JAK1: variants seen among roughly 807,000 people sequenced by gnomAD.
The protein encoded by JAK1 is Janus kinase 1, also known as tyrosine-protein kinase JAK1.
Under a neutral mutation model 136.6 loss-of-function variants are expected in JAK1, and 16 were observed. That is an observed-to-expected ratio of 0.12 (90% confidence interval 0.08 to 0.18). The LOEUF (loss-of-function observed/expected upper bound fraction) is 0.18. JAK1 is among the 10% of genes least tolerant of loss of function. The pLI is 1.00. For synonymous variants in JAK1, 492 were observed against 519.5 expected (o/e 0.95, Z 0.72); for missense variants, 859 against 1,450.1 (o/e 0.59, Z 6.62).
intron 1 of JAK1, among the ~76,000 whole-genome samples, chr1:64,888,389 C>T (rs1489274635): frequency 6.6e-6 from 1 of 152,182 alleles, no homozygotes; most frequent in Admixed American, 6.5e-5. Context: ...ACCATGTTGG[C>T]CAGGATGGTC....
intron 1 of JAK1, among the ~76,000 whole-genome samples, chr1:64,922,783 A>G (rs1032584343): frequency 6.6e-6 from 1 of 152,142 alleles, no homozygotes; most frequent in Non-Finnish European, 1.5e-5. Flanking sequence ...CTAGAGCAAA[A>G]ATATCAAAAA....
chr1:64,954,884 C>A (rs1260277405), intron 1 of JAK1, among the ~76,000 whole-genome samples: 1 of 152,146 alleles, frequency 6.6e-6, no homozygotes, highest in Non-Finnish European at 1.5e-5. Flanking sequence ...CACATTTTTT[C>A]TTTTTCTTTT....
chr1:64,892,001 T>C (rs997881935), intron 1 of JAK1, among the ~76,000 whole-genome samples: 1 of 152,276 alleles, frequency 6.6e-6, no homozygotes, highest in Non-Finnish European at 1.5e-5. Flanking sequence ...GAGACAGTTT[T>C]TGATAAAAGT....
At chr1:64,944,957 C>T (rs1645957912) in intron 1 of JAK1, among the ~76,000 whole-genome samples, 1 of 152,094 alleles carries the variant, frequency 6.6e-6, no homozygotes, top group East Asian at 1.9e-4. Context: ...AACTGATTCT[C>T]CCCCGAGAAG....
intron 2 of JAK1, among the ~76,000 whole-genome samples, chr1:64,884,341 C>G (rs907680494): frequency 2.0e-5 from 3 of 152,154 alleles, no homozygotes; most frequent in Non-Finnish European, 2.9e-5. Context: ...TTGCCCAATA[C>G]CAATGGGCTA....
At chr1:64,904,439 G>A (rs1365906894) in intron 1 of JAK1, among the ~76,000 whole-genome samples, 2 of 152,132 alleles carry the variant, frequency 1.3e-5, no homozygotes, top group Non-Finnish European at 2.9e-5. Flanking sequence ...GAGAAACACT[G>A]GTTAAACATA....
intron 4 of JAK1, among the ~76,000 whole-genome samples, chr1:64,877,688 A>G (rs1459530641): frequency 6.6e-6 from 1 of 152,162 alleles, no homozygotes; most frequent in Non-Finnish European, 1.5e-5. Flanking sequence ...ACCATTCTAG[A>G]CTCTGAGCTG....
intron 1 of JAK1, among the ~76,000 whole-genome samples, chr1:65,047,144 T>C (rs1344914943): frequency 6.6e-6 from 1 of 152,066 alleles, no homozygotes; most frequent in Non-Finnish European, 1.5e-5. Flanking sequence ...CCTACGATTA[T>C]GCCATTGAAC....
At chr1:64,916,893 T>C (rs181989470) in intron 1 of JAK1, among the ~76,000 whole-genome samples, 1 of 133,662 alleles carries the variant, frequency 7.5e-6, no homozygotes, top group Non-Finnish European at 1.6e-5. Context: ...AGTTTGAAAA[T>C]AGGAGAAAAG....
At chr1:64,875,653 A>G (rs1657357230) in intron 4 of JAK1, among the ~76,000 whole-genome samples, 1 of 152,262 alleles carries the variant, frequency 6.6e-6, no homozygotes, top group African/African-American at 2.4e-5. Flanking sequence ...GTAATTTACG[A>G]AAGTGACTGA....
chr1:64,996,460 C>T (rs1246573621), intron 2 of JAK1, among the ~76,000 whole-genome samples: 2 of 152,200 alleles, frequency 1.3e-5, no homozygotes, highest in Non-Finnish European at 2.9e-5. Context: ...AATGTAGACA[C>T]ATAATCTGAT....
chr1:64,987,465 C>T (rs907133372), intron 2 of JAK1: 1 of 152,206 alleles, frequency 6.6e-6, no homozygotes, highest in Non-Finnish European at 1.5e-5. Context: ...CATTGCTTCA[C>T]AAGCTTCTCT....
chr1:64,896,596 A>C (rs575801943), intron 1 of JAK1, among the ~76,000 whole-genome samples: 4 of 152,324 alleles, frequency 2.6e-5, no homozygotes, highest in South Asian at 2.1e-4. Context: ...ATCAACAAAA[A>C]CGCATTGTGT....
intron 1 of JAK1, among the ~76,000 whole-genome samples, chr1:64,922,923 C>A (rs151321152): frequency 6.6e-6 from 1 of 152,122 alleles, no homozygotes. Context: ...AGTATCAATT[C>A]GCTCTCACCT....
intron 11 of JAK1, among the ~76,000 whole-genome samples, chr1:64,853,404 G>A (rs79479271): frequency 2.8e-4 from 42 of 152,196 alleles, no homozygotes; most frequent in Admixed American, 6.5e-5. Flanking sequence ...GTCAGACAAC[G>A]TGAGTTCAAA....
chr1:64,926,624 G>A (rs1246591269), intron 1 of JAK1, among the ~76,000 whole-genome samples: 1 of 152,074 alleles, frequency 6.6e-6, no homozygotes, highest in Non-Finnish European at 1.5e-5. Flanking sequence ...ATGACTTGAT[G>A]TGGCTGCCAT....
chr1:64,839,075 G>A (rs188060790), intron 20 of JAK1, among the ~76,000 whole-genome samples: 3,389 of 147,444 alleles, frequency 0.023, 125 homozygotes, highest in African/African-American at 0.08. Flanking sequence ...GAACCCGGGA[G>A]GCGGAGCTTG....
intron 2 of JAK1, among the ~76,000 whole-genome samples, chr1:65,004,436 G>A (rs1257828055): frequency 6.6e-6 from 1 of 152,182 alleles, no homozygotes; most frequent in African/African-American, 2.4e-5. Flanking sequence ...CATCAGGGTT[G>A]ATCTAAGATT....
chr1:64,942,519 C>A (rs1475734522), intron 1 of JAK1, among the ~76,000 whole-genome samples: 2 of 152,038 alleles, frequency 1.3e-5, no homozygotes, highest in African/African-American at 4.8e-5. Context: ...TTTAAAGGAA[C>A]AATAAAACTG....
Sources: gnomAD v4.1 joint callset for allele counts (sites outside exome capture counted in the v4.1 genomes callset) on GRCh38, gnomAD v4.1.1 for gene constraint, MANE v1.5 for transcripts, NCBI Gene and HGNC (gene_info 2026-07-23, HGNC 2026-07-21) for gene names.